Variants in CLTCL1 observed in about 807,000 individuals in gnomAD.
The protein encoded by CLTCL1 is clathrin heavy chain like 1.
CLTCL1 carries 159 observed loss-of-function variants against 190.0 expected under a neutral mutation model. That is an observed-to-expected ratio of 0.84 (90% CI 0.74 to 0.95). CLTCL1 has a LOEUF of 0.95. Among genes scored for constraint, CLTCL1 ranks in the 40% least tolerant of loss-of-function variants. CLTCL1 has a pLI of 0.00. For missense variants in CLTCL1, 1,878 were observed against 2,033.4 expected (o/e 0.92, Z 1.47); for synonymous variants, 752 against 769.6 (o/e 0.98, Z 0.38).
rs2085140389 is a variant in CLTCL1, at chr22:19,209,088, C to T, written c.3276G>A (p.Leu1092=). 2 of 1,606,880 alleles carry T rather than the reference C, an allele frequency of 1.2e-6. No homozygotes were observed. The highest frequency in any genetic ancestry group is 1.7e-6 in the Non-Finnish European group (2 of 1,176,402). ...TCTCCGCAAACTCATATGCCCGGTC[C>T]AGGTTTCCAATGTGCTCGATCAGGA... is the stretch of plus-strand genomic sequence containing the variant. ...IQVLIEHIGN[L]DRAYEFAERC... is the part of the protein sequence containing the mutation. Residue 1092 remains leucine, a synonymous_variant, in exon 21 of 33, where the codon CTG becomes CTA. Coordinates refer to ENST00000427926, the MANE Select transcript of CLTCL1 (RefSeq NM_007098.4).
chr22:19,283,961 C>T (rs1385536385), intron 1 of CLTCL1, among the ~76,000 whole-genome samples: 1 of 147,360 alleles, frequency 6.8e-6, no homozygotes. Flanking sequence ...CACTGCACTC[C>T]AGCCTGGGTG....
Position 19,232,533 on chromosome 22 carries a change from GC to G in CLTCL1, c.1586del (p.Gly529AlafsTer8). On this transcript the variant is annotated frameshift_variant, in exon 10 of 33. Transcript: ENST00000427926. LOFTEE classifies it high-confidence loss of function. ...RGVMKISPEQ[G>X]LQFSRMLVQD... ...GCACTAGCATTCGAGAAAACTGCAGGCCCTGTTCCGGACTGATCTTCATTAC... is the reference window on the plus strand; with the variant it reads ...GCACTAGCATTCGAGAAAACTGCAGGCCTGTTCCGGACTGATCTTCATTAC... 1 of 1,613,988 alleles carries G rather than the reference GC, an allele frequency of 6.2e-7. No homozygotes were observed. Among genetic ancestry groups the G allele is most frequent in the Non-Finnish European group, 8.5e-7 (1 of 1,179,882 alleles).
chr22:19,273,754 A>T (rs1458123448), intron 2 of CLTCL1, among the ~76,000 whole-genome samples: 1 of 152,104 alleles, frequency 6.6e-6, no homozygotes, highest in Non-Finnish European at 1.5e-5. Flanking sequence ...CTTGCTGCCA[A>T]CATCCAATCT....
At chr22:19,187,211 CA>C (rs1253876794) in intron 29 of CLTCL1, among the ~76,000 whole-genome samples, 2 of 152,096 alleles carry the variant, frequency 1.3e-5, no homozygotes, top group Non-Finnish European at 2.9e-5. Context: ...GGGAAGTTCC[CA>C]AATCTTGATA....
At chr22:19,180,939 G>A in intron 30 of CLTCL1, 133 bp from the exon 31 acceptor site, 3 of 754,310 alleles carry the variant, frequency 4.0e-6, no homozygotes, top group South Asian at 1.5e-5. Context: ...ATGGGCAGAT[G>A]TGGAGTGGCT....
chr22:19,234,595 C>T lies in CLTCL1; in HGVS notation c.1081G>A (p.Glu361Lys). The T allele has an allele frequency of 6.2e-7, 1 of 1,614,056 alleles. No individual in the cohort carries two copies. The highest frequency in any genetic ancestry group is 1.1e-5 in the South Asian group (1 of 91,088). The change falls in exon 7 of 33, where the codon GAG (glutamate) becomes AAG (lysine). Residue 361 changes from glutamate (E) to lysine (K), a missense_variant. Physicochemically the swap from Glu to Lys is moderately conservative, Grantham distance 56 (BLOSUM62 1). Coordinates refer to ENST00000427926, the MANE Select transcript of CLTCL1 (RefSeq NM_007098.4). ...TTGAATTTTCTCACAAACAACTTCT[C>T]TGCCCCAGCCAGGTTACTACGAACG... ...LAVRSNLAGA[E>K]KLFVRKFNTL...
intron 9 of CLTCL1, 121 bp from the exon 10 acceptor site, chr22:19,232,719 T>A: frequency 7.9e-7 from 1 of 1,269,342 alleles, no homozygotes; most frequent in South Asian, 1.4e-5. Context: ...AACATTATCA[T>A]GTGTAGGTAC....
chr22:19,212,780 A>C (rs1372791997), intron 19 of CLTCL1, among the ~76,000 whole-genome samples: 12 of 152,204 alleles, frequency 7.9e-5, no homozygotes, highest in Admixed American at 7.9e-4. Context: ...ATAATGCTGG[A>C]ATAAACTGGA....
intron 3 of CLTCL1, among the ~76,000 whole-genome samples, chr22:19,250,542 C>T (rs5748075): frequency 0.011 from 1,409 of 127,106 alleles, 33 homozygotes; most frequent in East Asian, 0.074. Context: ...GTACCACATT[C>T]TATTTTTTTT....
At chr22:19,260,304 G>A (rs1409465062) in intron 2 of CLTCL1, among the ~76,000 whole-genome samples, 4 of 152,198 alleles carry the variant, frequency 2.6e-5, no homozygotes, top group African/African-American at 9.7e-5. Context: ...CAATGGAGAA[G>A]AAACAACCTC....
At chr22:19,221,110 A>C (rs1332835159) in intron 17 of CLTCL1, among the ~76,000 whole-genome samples, 3 of 152,194 alleles carry the variant, frequency 2.0e-5, no homozygotes, top group Non-Finnish European at 4.4e-5. Context: ...CAAGGAGTTC[A>C]ATTCTGCCCT....
At position 19,226,207 on chromosome 22, in the gene CLTCL1, GGTACACA is replaced by G. The variant is rs1325061235; in HGVS notation, c.1947+5_1947+11del. 6.2e-7 allele frequency: 1 copy of G among 1,612,592 alleles called. No individual in the cohort carries two copies. Among genetic ancestry groups the G allele is most frequent in the Non-Finnish European group, 8.5e-7 (1 of 1,179,442 alleles). Reference sequence around the variant, plus strand: ...AACAGCCATAATAGGAGTGCCCAGGGGTACACAGTACCTCGGGATTGAGGAGGTGAGT... The same window carrying G: ...AACAGCCATAATAGGAGTGCCCAGGGGTACCTCGGGATTGAGGAGGTGAGT... On this transcript the variant is annotated splice_donor_5th_base_variant and intron_variant, in intron 12 of 32. Transcript: ENST00000427926.
At chr22:19,230,555 C>T (rs2085889454) in intron 10 of CLTCL1, among the ~76,000 whole-genome samples, 2 of 152,108 alleles carry the variant, frequency 1.3e-5, no homozygotes, top group Non-Finnish European at 2.9e-5. Context: ...CTCATCTCAA[C>T]AACAACAACA....
At chr22:19,249,374 T>A (rs868962369) in intron 3 of CLTCL1, among the ~76,000 whole-genome samples, 6 of 151,014 alleles carry the variant, frequency 4.0e-5, no homozygotes, top group Non-Finnish European at 8.9e-5. Flanking sequence ...ATAAAAAAAA[T>A]TAAAATTAAG....
chr22:19,242,636 A>G, intron 4 of CLTCL1, 139 bp downstream of exon 4: 1 of 949,408 alleles, frequency 1.1e-6, no homozygotes, highest in East Asian at 2.4e-5. Context: ...CATGTGCATC[A>G]CGGTGCACAG....
In CLTCL1 at chr22:19,226,203, C is replaced by T. The variant is rs2085738280; in HGVS notation, c.1947+16G>A. On this transcript the variant is annotated intron_variant, in intron 12 of 32. Coordinates refer to ENST00000427926, the MANE Select transcript of CLTCL1 (RefSeq NM_007098.4). ...AGACAACAGCCATAATAGGAGTGCCCAGGGGTACACAGTACCTCGGGATTG... is the reference window on the plus strand; with the variant it reads ...AGACAACAGCCATAATAGGAGTGCCTAGGGGTACACAGTACCTCGGGATTG... The T allele has an allele frequency of 3.1e-6, 5 of 1,611,882 alleles. No homozygotes were observed. The highest frequency in any genetic ancestry group is 4.2e-6 in the Non-Finnish European group (5 of 1,178,880).
At chr22:19,270,361 T>G (rs1421580411) in intron 2 of CLTCL1, among the ~76,000 whole-genome samples, 2 of 151,974 alleles carry the variant, frequency 1.3e-5, no homozygotes, top group African/African-American at 4.8e-5. Flanking sequence ...TTTCTGGGGT[T>G]GCAGACATGT....
chr22:19,276,600 C>T (rs2087512356), intron 1 of CLTCL1, among the ~76,000 whole-genome samples: 1 of 152,148 alleles, frequency 6.6e-6, no homozygotes, highest in Non-Finnish European at 1.5e-5. Flanking sequence ...CCACAAAGCA[C>T]CAAGCTTATT....
chr22:19,216,268 A>C lies in CLTCL1; in HGVS notation c.2920-12T>G, dbSNP rs752813380. ...GCTGTCTGTACCACCTGGTTTTAAA[A>C]AGCATTTGAAAGAACTTGATTAAAG... On this transcript the variant is annotated splice_polypyrimidine_tract_variant and intron_variant, in intron 18 of 32. Transcript: ENST00000427926. 4.9e-5 allele frequency: 79 copies of C among 1,612,556 alleles called. No individual in the cohort carries two copies. Among genetic ancestry groups the C allele is most frequent in the South Asian group, 8.8e-5 (8 of 90,904 alleles).
Sources: allele counts gnomAD v4.1 joint callset (sites outside exome capture counted in the v4.1 genomes callset), GRCh38; gene constraint gnomAD v4.1.1; transcripts MANE v1.5; gene names NCBI Gene and HGNC (gene_info 2026-07-23, HGNC 2026-07-21).